Variants in PRR14 observed in about 807,000 individuals in gnomAD.
PRR14 encodes proline-rich protein 14.
Under a neutral mutation model 57.2 loss-of-function variants are expected in PRR14, and 33 were observed. The ratio of observed to expected loss-of-function variants is 0.58; its 90% CI spans 0.44 to 0.77. The LOEUF (loss-of-function observed/expected upper bound fraction) is 0.77. Ranked by LOEUF, PRR14 falls within the 30% of genes least tolerant of loss-of-function variation. PRR14 has a pLI of 0.00. For missense variants in PRR14, 716 were observed against 788.1 expected, an observed-to-expected ratio of 0.91 and a Z score of 1.10; for synonymous variants, 303 against 314.7, an observed-to-expected ratio of 0.96 and a Z score of 0.39.
Position 30,654,792 on chromosome 16 carries a change from A to AAC in PRR14, c.822_823insAC (p.Pro275ThrfsTer7). The AAC allele has an allele frequency of 2.2e-6, 1 of 462,446 alleles. No homozygotes were observed. The highest frequency in any genetic ancestry group is 3.5e-6 in the Non-Finnish European group (1 of 285,632). The allele number at this position is 462,446 out of a possible 1,614,324, so 28.6% of individuals were successfully genotyped here. On this transcript the variant is annotated frameshift_variant, in exon 8 of 12. Coordinates refer to ENST00000300835, the MANE Select transcript of PRR14 (RefSeq NM_024031.5). LOFTEE classifies it high-confidence loss of function. The stretch of plus-strand genomic sequence containing the variant: ...CGCCCAACAAAACCCCACAGCCCCC[A>AAC]CCCCCGTCCCCCCCAATGAAGCTGG...
chr16:30,654,703 G>A lies in PRR14; in HGVS notation c.733G>A (p.Gly245Ser). ...TTTACGCCCCCGCCTCAGTCCCTGG[G>A]GCTTGGCCCCGCTCTTCCGTTCCGT... is the stretch of plus-strand genomic sequence containing the variant. ...SLLRPRLSPWGLAPLFRSVRS... is the reference protein window; with the variant it reads ...SLLRPRLSPWSLAPLFRSVRS... Residue 245 changes from glycine (G) to serine (S), a missense_variant, in exon 8 of 12, where the codon GGC becomes AGC. Transcript: ENST00000300835. 1 of 1,613,824 alleles carries A rather than the reference G, an allele frequency of 6.2e-7. No homozygotes were observed. Among genetic ancestry groups the A allele is most frequent in the Non-Finnish European group, 8.5e-7 (1 of 1,179,970 alleles).
At position 30,651,704 on chromosome 16, in the gene PRR14, C is replaced by G; in HGVS notation, c.23+36C>G. 7 of 1,612,396 alleles carry G rather than the reference C, an allele frequency of 4.3e-6. No homozygotes were observed. Among genetic ancestry groups the G allele is most frequent in the Non-Finnish European group, 5.9e-6 (7 of 1,179,710 alleles). ...ACCCGGGCGGCCCGCCTGTCTTGACCCCGGGAGATGGGGATCCTGGCGACC... is the reference window on the plus strand; with the variant it reads ...ACCCGGGCGGCCCGCCTGTCTTGACGCCGGGAGATGGGGATCCTGGCGACC... On this transcript the variant is annotated intron_variant, in intron 2 of 11. Coordinates refer to ENST00000300835, the MANE Select transcript of PRR14 (RefSeq NM_024031.5). This position sits in a 1 kb window ranked among gnomAD's most constrained non-coding sequence, Gnocchi z 5.0.
rs1046052792 is a variant in PRR14 at position 30,651,920 on chromosome 16, C to A, written c.148C>A (p.Arg50=). ...APSPLEKASR[R]VLAVVLEDVM... is the part of the protein sequence containing the mutation. ...TTCTCCCCTGGAAAAGGCCTCTCGG[C>A]GGGTCCTGGCCGTGGTGCTAGAAGA... Residue 50 remains arginine (R), a synonymous_variant, in exon 3 of 12, where the codon CGG becomes AGG. Transcript: ENST00000300835. This position sits in a 1 kb window ranked among gnomAD's most constrained non-coding sequence, Gnocchi z 5.0. 19 of 1,580,130 alleles carry A rather than the reference C, an allele frequency of 1.2e-5. No individual in the cohort carries two copies. The highest frequency in any genetic ancestry group is 1.5e-5 in the Non-Finnish European group (18 of 1,164,214).
rs2052316103 is a variant in PRR14 at position 30,651,823 on chromosome 16, C to G, written c.51C>G (p.Arg17=). The G allele has an allele frequency of 6.2e-7, 1 of 1,607,056 alleles. No individual in the cohort carries two copies. The highest frequency in any genetic ancestry group is 8.5e-7 in the Non-Finnish European group (1 of 1,179,834). Residue 17 remains arginine, a synonymous_variant, in exon 3 of 12, where the codon CGC becomes CGG. Transcript: ENST00000300835. The surrounding 1 kb of genome is among the most constrained non-coding windows in gnomAD (Gnocchi z 5.0). ...CGCCTGGCCAGCCGCGTCTGTGCCG[C>G]CAGCCTCTGACTCGAGCATTATGGG... is the stretch of plus-strand genomic sequence containing the variant. ...SSPPGQPRLC[R]QPLTRALWGA...
At chr16:30,652,415 T>C in intron 3 of PRR14, 1 of 572,266 alleles carries the variant, frequency 1.7e-6, no homozygotes, top group Non-Finnish European at 3.2e-6. Flanking sequence ...GGCTGAGGTC[T>C]TTGACTCCAC....
rs1312527539 is a variant in PRR14 at position 30,651,564 on chromosome 16, C to T, written c.-50-32C>T. On this transcript the variant is annotated intron_variant, in intron 1 of 11. Transcript: ENST00000300835. The surrounding 1 kb of genome is among the most constrained non-coding windows in gnomAD (Gnocchi z 5.0). The stretch of plus-strand genomic sequence containing the variant: ...GCCCCAGGGAAGGGGCCGGCCCTCA[C>T]CCCCCGCTCCCCCGCTCCCCCCTTA... 8 of 802,628 alleles carry T rather than the reference C, an allele frequency of 1.0e-5. No homozygotes were observed. Among genetic ancestry groups the T allele is most frequent in the African/African-American group, 1.8e-5 (1 of 55,696 alleles). The allele number at this position is 802,628 out of a possible 1,614,324, so 49.7% of individuals were successfully genotyped here.
chr16:30,654,380 G>A, intron 7 of PRR14, 41 bp downstream of exon 7: 1 of 1,495,906 alleles, frequency 6.7e-7, no homozygotes, highest in Non-Finnish European at 9.3e-7. Flanking sequence ...TTGGGTGTCT[G>A]GGACATCCTA....
At chr16:30,652,627 T>C (rs2052324490) in intron 3 of PRR14, 94 bp from the exon 4 acceptor site, 8 of 1,447,188 alleles carry the variant, frequency 5.5e-6, no homozygotes, top group South Asian at 3.5e-5. Context: ...ATCTCTGTTA[T>C]GTTTGTGGCT....
Position 30,655,960 on chromosome 16 carries a change from G to A in PRR14, c.1478+21G>A, listed in dbSNP as rs373064333. The A allele has an allele frequency of 4.6e-5, 74 of 1,612,220 alleles. No individual in the cohort carries two copies. In the African/African-American group the frequency reaches 8.5e-4, roughly 19 times the overall value. The stretch of plus-strand genomic sequence containing the variant: ...AGGAGGTGAGACACTTGGAAGGCTA[G>A]AGGGTGGCAGAGGGAAATCTGGAGC... On this transcript the variant is annotated intron_variant, in intron 11 of 11. Transcript: ENST00000300835. This position sits in a 1 kb window ranked among gnomAD's most constrained non-coding sequence, Gnocchi z 4.6.
Position 30,655,149 on chromosome 16 carries a change from C to A in PRR14, c.1179C>A (p.Ser393=). 6.2e-7 allele frequency: 1 copy of A among 1,608,994 alleles called. No individual in the cohort carries two copies. ...TCCCTCTCGGAGGAGTGGGAGCCTC[C>A]CCTTCTCTCACCACATCTTGCTCGT... ...EVFPLGGVGA[S]PSLTTSCSST... is the part of the protein sequence containing the mutation. The change falls in exon 8 of 12, where the codon TCC becomes TCA. Residue 393 remains serine (S), a synonymous_variant. Coordinates refer to ENST00000300835, the MANE Select transcript of PRR14 (RefSeq NM_024031.5). This position sits in a 1 kb window ranked among gnomAD's most constrained non-coding sequence, Gnocchi z 4.6.
intron 3 of PRR14, chr16:30,652,254 G>A: frequency 1.7e-6 from 1 of 593,842 alleles, no homozygotes; most frequent in South Asian, 1.6e-5. Flanking sequence ...TTTAGAGACA[G>A]GGTCTTGCTA....
chr16:30,655,086 C>A lies in PRR14; in HGVS notation c.1116C>A (p.Ala372=), dbSNP rs559944530. 1 of 1,611,698 alleles carries A rather than the reference C, an allele frequency of 6.2e-7. No homozygotes were observed. The highest frequency in any genetic ancestry group is 8.5e-7 in the Non-Finnish European group (1 of 1,179,952). Residue 372 remains alanine, a synonymous_variant, in exon 8 of 12, where the codon GCC becomes GCA. Coordinates refer to ENST00000300835, the MANE Select transcript of PRR14 (RefSeq NM_024031.5). The surrounding 1 kb of genome is among the most constrained non-coding windows in gnomAD (Gnocchi z 4.6). ...HTVGGGEMAR[A]PPPPRPCLRK... is the part of the protein sequence containing the mutation. ...TGGGTGGTGGGGAAATGGCCCGAGC[C>A]CCGCCACCCCCTCGGCCCTGTCTCC...
chr16:30,656,184 G>A lies in PRR14; in HGVS notation c.1631G>A (p.Arg544Lys). Residue 544 changes from arginine (R) to lysine (K), a missense_variant, in exon 12 of 12, where the codon AGG becomes AAG. Coordinates refer to ENST00000300835, the MANE Select transcript of PRR14 (RefSeq NM_024031.5). ...CGTGGGGTCCGGGCTGCAGGGGGCA[G>A]GACTGTTCCTCCCAATGTGGCCCCC... ...PSRGVRAAGG[R>K]TVPPNVAPSP... 1 of 1,610,992 alleles carries A rather than the reference G, an allele frequency of 6.2e-7. No individual in the cohort carries two copies. Among genetic ancestry groups the A allele is most frequent in the Non-Finnish European group, 8.5e-7 (1 of 1,178,956 alleles).
chr16:30,654,946 C>A lies in PRR14; in HGVS notation c.976C>A (p.Pro326Thr), dbSNP rs755075867. The A allele has an allele frequency of 1.2e-6, 2 of 1,612,416 alleles. No individual in the cohort carries two copies. The highest frequency in any genetic ancestry group is 1.7e-6 in the Non-Finnish European group (2 of 1,180,022). Residue 326 changes from proline to threonine, a missense_variant, in exon 8 of 12, where the codon CCC (proline) becomes ACC (threonine). Coordinates refer to ENST00000300835, the MANE Select transcript of PRR14 (RefSeq NM_024031.5). ...CAATACCCCAGCACTTCTCCCTAAG[C>A]CCTCTCTGGGCCGAAGCTACTCCTG... ...DHNTPALLPK[P>T]SLGRSYSCPD...
At position 30,651,800 on chromosome 16, in the gene PRR14, C is replaced by G; in HGVS notation, c.28C>G (p.Pro10Ala). ...TCTGCTTCTTTCACCCTCCAGCCCG[C>G]CTGGCCAGCCGCGTCTGTGCCGCCA... MDLPGDSSPPGQPRLCRQPL... is the reference protein window; with the variant it reads MDLPGDSSPAGQPRLCRQPL... Residue 10 changes from proline to alanine, a missense_variant, in exon 3 of 12, where the codon CCT becomes GCT. Transcript: ENST00000300835. This position sits in a 1 kb window ranked among gnomAD's most constrained non-coding sequence, Gnocchi z 5.0. 1 of 1,606,274 alleles carries G rather than the reference C, an allele frequency of 6.2e-7. No individual in the cohort carries two copies. The highest frequency in any genetic ancestry group is 8.5e-7 in the Non-Finnish European group (1 of 1,179,816).
rs1373384755 is a variant in PRR14 at position 30,655,299 on chromosome 16, G to A, written c.1245-52G>A. The A allele has an allele frequency of 1.9e-6, 3 of 1,608,880 alleles. No homozygotes were observed. Among genetic ancestry groups the A allele is most frequent in the African/African-American group, 1.3e-5 (1 of 74,838 alleles). ...CTGAGTATCCAGTGGGCAGGAGACG[G>A]GGGATAATGCAGTGAATCCTGTTTG... On this transcript the variant is annotated intron_variant, in intron 8 of 11. Coordinates refer to ENST00000300835, the MANE Select transcript of PRR14 (RefSeq NM_024031.5). This position sits in a 1 kb window ranked among gnomAD's most constrained non-coding sequence, Gnocchi z 4.6.
chr16:30,652,887 A>T (rs988231419), intron 4 of PRR14, 27 bp from the exon 5 acceptor site: 3 of 1,613,834 alleles, frequency 1.9e-6, no homozygotes. Context: ...CAGCTGAGCC[A>T]TTTTAATCTT....
Position 30,654,832 on chromosome 16 carries a change from A to C in PRR14, c.862A>C (p.Ile288Leu), listed in dbSNP as rs762437110. The change falls in exon 8 of 12, where the codon ATC becomes CTC. Residue 288 changes from isoleucine (I) to leucine (L), a missense_variant. By Grantham distance (5) the Ile-to-Leu change is conservative. Coordinates refer to ENST00000300835, the MANE Select transcript of PRR14 (RefSeq NM_024031.5). ...PPMKLELKIA[I>L]SEAEQSGAAE... Reference sequence around the variant, plus strand: ...AATGAAGCTGGAGTTGAAGATCGCCATCTCAGAGGCCGAGCAGTCTGGGGC... The same window carrying C: ...AATGAAGCTGGAGTTGAAGATCGCCCTCTCAGAGGCCGAGCAGTCTGGGGC... 22 of 1,365,276 alleles carry C rather than the reference A, an allele frequency of 1.6e-5. No individual in the cohort carries two copies. Among genetic ancestry groups the C allele is most frequent in the Non-Finnish European group, 2.1e-5 (22 of 1,031,308 alleles). The allele number at this position is 1,365,276 out of a possible 1,614,324, so 84.6% of individuals were successfully genotyped here.
Sources: gnomAD v4.1 joint callset for allele counts on GRCh38, gnomAD v4.1.1 for gene constraint, Gnocchi (gnomAD v3.1) non-coding constraint, MANE v1.5 for transcripts, NCBI Gene and HGNC (gene_info 2026-07-23, HGNC 2026-07-21) for gene names.